The following PACS2 variants were observed in gnomAD, a reference collection of about 807,000 sequenced individuals.
PACS2 encodes phosphofurin acidic cluster sorting protein 2.
PACS2 carries 36 observed loss-of-function variants against 113.0 expected under a neutral mutation model. The observed-to-expected ratio is 0.32, with a 90% confidence interval of 0.24 to 0.42. PACS2 has a LOEUF of 0.42. PACS2 is among the 10% of genes least tolerant of loss of function. PACS2 has a pLI of 1.00. For synonymous variants in PACS2, 589 were observed against 536.1 expected (o/e 1.10, Z -1.36); for missense variants, 1,015 against 1,239.5 (o/e 0.82, Z 2.72).
chr14:105,392,621 A>G lies in PACS2; in HGVS notation c.2258A>G (p.Gln753Arg), dbSNP rs1307541770. The change falls in exon 23 of 25, where the codon CAG becomes CGG. Residue 753 changes from glutamine (Q) to arginine (R), a missense_variant and splice_region_variant. By Grantham distance (43) the Gln-to-Arg change is conservative. Transcript: ENST00000447393. ...SVSGGLSSPS[Q>R]GVGAELMGLQ... is the part of the protein sequence containing the mutation. Reference sequence around the variant, plus strand: ...ATGCCTCCCTCTGCCTTTCCCAGCCAGGGTGTCGGCGCCGAGCTGATGGGG... The same window carrying G: ...ATGCCTCCCTCTGCCTTTCCCAGCCGGGGTGTCGGCGCCGAGCTGATGGGG... 33 of 1,603,514 alleles carry G rather than the reference A, an allele frequency of 2.1e-5. No homozygotes were observed. Among genetic ancestry groups the G allele is most frequent in the Non-Finnish European group, 2.7e-5 (32 of 1,175,796 alleles).
At chr14:105,350,075 T>A (rs1376549099) in intron 2 of PACS2, among the ~76,000 whole-genome samples, 18 of 151,466 alleles carry the variant, frequency 1.2e-4, no homozygotes, top group Admixed American at 4.0e-4. Flanking sequence ...GCGTGGCTGA[T>A]AGCAGGATGG....
intron 4 of PACS2, 145 bp from the exon 5 acceptor site, chr14:105,367,068 G>T: frequency 1.5e-6 from 1 of 673,170 alleles, no homozygotes; most frequent in Middle Eastern, 3.3e-4. Flanking sequence ...TCCACTGGAT[G>T]CTCCCTGCCC....
intron 8 of PACS2, among the ~76,000 whole-genome samples, chr14:105,375,641 G>A (rs1595739495): frequency 6.6e-6 from 1 of 152,188 alleles, no homozygotes; most frequent in Admixed American, 6.5e-5. Context: ...CCACTAGGAT[G>A]GCTGGAACAA....
intron 20 of PACS2, 91 bp downstream of exon 20, chr14:105,390,094 T>A: frequency 9.2e-7 from 1 of 1,091,892 alleles, no homozygotes; most frequent in Non-Finnish European, 1.4e-6. Flanking sequence ...ACTCGATATA[T>A]TCCAGAACCT....
intron 7 of PACS2, 87 bp from the exon 8 acceptor site, chr14:105,369,754 G>T: frequency 8.4e-7 from 1 of 1,191,706 alleles, no homozygotes. Context: ...CGGCGGGCCT[G>T]GGTGCGGCCT....
intron 19 of PACS2, among the ~76,000 whole-genome samples, chr14:105,388,059 CATCGCTTT>C (rs1555414005): frequency 6.6e-6 from 1 of 152,250 alleles, no homozygotes; most frequent in Non-Finnish European, 1.5e-5. Flanking sequence ...ACAGGATTTG[CATCGCTTT>C]ATGTTATTTG....
chr14:105,380,666 T>C (rs1180095825), intron 11 of PACS2, among the ~76,000 whole-genome samples: 8 of 152,214 alleles, frequency 5.3e-5, no homozygotes, highest in African/African-American at 1.7e-4. Context: ...GAACGCCTGG[T>C]TCCCCCCTGC....
rs1012335240 is a variant in PACS2, at chr14:105,323,599, T to G, written c.119+8562T>G. The stretch of plus-strand genomic sequence containing the variant: ...GAGTGGTGGGGAAGTCGCTGGACTA[T>G]TTCAAGTGTGTGTATTTGGGAGAGC... On this transcript the variant is annotated intron_variant, in intron 1 of 24. Coordinates refer to ENST00000447393, the MANE Select transcript of PACS2 (RefSeq NM_001100913.3). The surrounding 1 kb of genome is among the most constrained non-coding windows in gnomAD (Gnocchi z 4.1). 6.6e-6 allele frequency among the ~76,000 whole-genome samples: 1 copy of G among 152,222 alleles called. No homozygotes were observed. Among genetic ancestry groups the G allele is most frequent in the Non-Finnish European group, 1.5e-5 (1 of 68,042 alleles).
At chr14:105,305,098 A>AAT (rs2058148731) in intron 1 of PACS2, among the ~76,000 whole-genome samples, 1 of 152,146 alleles carries the variant, frequency 6.6e-6, no homozygotes, top group Non-Finnish European at 1.5e-5. Context: ...GAGCGGGATT[A>AAT]ATGCCCTCAG....
chr14:105,385,195 T>C (rs1312376271), intron 18 of PACS2, among the ~76,000 whole-genome samples: 1 of 152,168 alleles, frequency 6.6e-6, no homozygotes, highest in Non-Finnish European at 1.5e-5. Context: ...TAAGCGCCAT[T>C]TCCGCACCTG....
intron 1 of PACS2, among the ~76,000 whole-genome samples, chr14:105,304,540 T>A (rs893612081): frequency 6.6e-6 from 1 of 152,210 alleles, no homozygotes; most frequent in Non-Finnish European, 1.5e-5. Flanking sequence ...GAGGCTCTAC[T>A]GGGCAATGGC....
intron 12 of PACS2, 138 bp downstream of exon 12, chr14:105,381,237 C>T (rs587632782): frequency 1.7e-4 from 115 of 676,232 alleles, no homozygotes; most frequent in African/African-American, 1.7e-3. Flanking sequence ...TTCAGGGCCT[C>T]GTCCTTCTTA....
chr14:105,342,367 A>G (rs2059764680), intron 1 of PACS2, among the ~76,000 whole-genome samples: 1 of 151,944 alleles, frequency 6.6e-6, no homozygotes, highest in South Asian at 2.1e-4. Flanking sequence ...TCCTGGGCTC[A>G]GGTGATCCTC....
rs587602251 is a variant in PACS2, at chr14:105,385,525, G to A, written c.2001-160G>A. ...GTCCCACACCTTCCCTAGACTACAGGGGAGAGAGCCGAGTGCAAGGCGCAA... is the reference window on the plus strand; with the variant it reads ...GTCCCACACCTTCCCTAGACTACAGAGGAGAGAGCCGAGTGCAAGGCGCAA... On this transcript the variant is annotated intron_variant, in intron 18 of 24. Transcript: ENST00000447393. 2.6e-5 allele frequency among the ~76,000 whole-genome samples: 4 copies of A among 152,310 alleles called. No individual in the cohort carries two copies. The East Asian group carries it at 7.7e-4, about 29-fold the overall frequency.
In PACS2 at chr14:105,340,620, G is replaced by A. The variant is rs2059686887; in HGVS notation, c.120-7873G>A. On this transcript the variant is annotated intron_variant, in intron 1 of 24. Coordinates refer to ENST00000447393, the MANE Select transcript of PACS2 (RefSeq NM_001100913.3). This position sits in a 1 kb window ranked among gnomAD's most constrained non-coding sequence, Gnocchi z 4.2. ...CCTGGTGCTCATCTCCTGCTGTGCG[G>A]CCAGTTGCTAACAGGCCAGGAACCT... is the stretch of plus-strand genomic sequence containing the variant. 6.6e-6 allele frequency among the ~76,000 whole-genome samples: 1 copy of A among 152,222 alleles called. No individual in the cohort carries two copies. Among genetic ancestry groups the A allele is most frequent in the African/African-American group, 2.4e-5 (1 of 41,466 alleles).
chr14:105,380,547 C>A (rs2080952186), intron 11 of PACS2, among the ~76,000 whole-genome samples: 1 of 147,756 alleles, frequency 6.8e-6, no homozygotes, highest in Non-Finnish European at 1.5e-5. Context: ...CCCTCAGGGT[C>A]TGGGTTCCCC....
chr14:105,394,205 G>A (rs2081468133), intron 24 of PACS2: 1 of 985,274 alleles, frequency 1.0e-6, no homozygotes, highest in Non-Finnish European at 1.2e-6. Context: ...GGCTCCCACT[G>A]TCTTCTTCCC....
At chr14:105,384,196 G>A (rs1180419503) in intron 16 of PACS2, 157 bp from the exon 17 acceptor site, 4 of 594,330 alleles carry the variant, frequency 6.7e-6, no homozygotes, top group South Asian at 2.0e-5. Flanking sequence ...ACCAGGGAGG[G>A]GCAGTGGTGG....
intron 1 of PACS2, among the ~76,000 whole-genome samples, chr14:105,318,119 A>G (rs1320628703): frequency 6.6e-6 from 1 of 151,912 alleles, no homozygotes; most frequent in Non-Finnish European, 1.5e-5. Flanking sequence ...TTTTCGGTTG[A>G]TGTTTATTAA....
Sources: gnomAD v4.1 joint callset for allele counts (sites outside exome capture counted in the v4.1 genomes callset) on GRCh38, gnomAD v4.1.1 for gene constraint, Gnocchi (gnomAD v3.1) non-coding constraint, MANE v1.5 for transcripts, NCBI Gene and HGNC (gene_info 2026-07-23, HGNC 2026-07-21) for gene names.